The following ZNF469 variants were observed in gnomAD, a reference collection of about 807,000 sequenced individuals.
ZNF469 encodes the protein zinc finger protein 469.
Under a neutral mutation model 1.0 loss-of-function variants are expected in ZNF469, and 1 was observed. That is an observed-to-expected ratio of 1.00 (90% CI 0.35 to 4.73). The LOEUF is 4.73. Ranked by LOEUF, ZNF469 falls within the 30% of genes most tolerant of loss-of-function variation. ZNF469 has a pLI of 0.16. For missense variants in ZNF469, 6,100 were observed against 5,356.3 expected (o/e 1.14, Z -4.33); for synonymous variants, 2,703 against 2,363.4 (o/e 1.14, Z -4.17).
chr16:88,439,510 G>A lies in ZNF469; in HGVS notation c.*178G>A. 1 of 708,116 alleles carries A rather than the reference G, an allele frequency of 1.4e-6. No homozygotes were observed. Among genetic ancestry groups the A allele is most frequent in the Non-Finnish European group, 2.3e-6 (1 of 427,998 alleles). 43.9% of individuals were successfully genotyped at this position (708,116 alleles called of 1,614,324 possible). On this transcript the variant is annotated 3_prime_UTR_variant, in exon 3 of 3. Coordinates refer to ENST00000565624, the MANE Select transcript of ZNF469 (RefSeq NM_001367624.2). ...GCTTTGAACAGGGCCCAGGTGGGCA[G>A]CATTCCCTTTCTTGCTGGAAGGCTG... is the stretch of plus-strand genomic sequence containing the variant.
the ZNF469 span, among the ~76,000 whole-genome samples, chr16:88,360,263 A>G: frequency 6.6e-6 from 1 of 152,116 alleles, no homozygotes; most frequent in Non-Finnish European, 1.5e-5. Flanking sequence ...CAGGTGATCC[A>G]CCCACCTCGG....
chr16:88,165,580 C>A, the ZNF469 span, among the ~76,000 whole-genome samples: 1 of 152,168 alleles, frequency 6.6e-6, no homozygotes, highest in African/African-American at 2.4e-5. Flanking sequence ...CTCTGTGGGC[C>A]AGGGCTTCAG....
At chr16:88,173,929 GAAGA>G in the ZNF469 span, among the ~76,000 whole-genome samples, 4 of 152,102 alleles carry the variant, frequency 2.6e-5, no homozygotes, top group South Asian at 2.1e-4. Flanking sequence ...AAAAAGGAAA[GAAGA>G]AAGAAAGAAC....
At chr16:88,416,792 C>T (rs1290387424) in intron 1 of ZNF469, among the ~76,000 whole-genome samples, 1 of 152,190 alleles carries the variant, frequency 6.6e-6, no homozygotes, top group African/African-American at 2.4e-5. Flanking sequence ...AGGGCTCCCT[C>T]CACGGGACCC....
chr16:88,210,546 G>C, the ZNF469 span, among the ~76,000 whole-genome samples: 2 of 152,192 alleles, frequency 1.3e-5, no homozygotes, highest in African/African-American at 2.4e-5. Flanking sequence ...TCTAGCATTT[G>C]TATGGTTTAA....
chr16:88,432,871 G>A lies in ZNF469; in HGVS notation c.5401G>A (p.Val1801Ile). Reference sequence around the variant, plus strand: ...TCCAGAAGCTTTTGGCAGCCCTGCTGTCCATCTGGCCCCTGACTTGGCATT... The same window carrying A: ...TCCAGAAGCTTTTGGCAGCCCTGCTATCCATCTGGCCCCTGACTTGGCATT... Reference protein sequence around the residue: ...PAPEAFGSPAVHLAPDLAFQG... With the variant: ...PAPEAFGSPAIHLAPDLAFQG... The change falls in exon 3 of 3, where the codon GTC becomes ATC. Residue 1801 changes from valine to isoleucine, a missense_variant. Physicochemically the swap from Val to Ile is conservative, Grantham distance 29. Transcript: ENST00000565624. 5.2e-6 allele frequency: 8 copies of A among 1,550,384 alleles called. No homozygotes were observed. Among genetic ancestry groups the A allele is most frequent in the South Asian group, 2.4e-5 (2 of 84,062 alleles).
chr16:88,135,387 C>T, the ZNF469 span, among the ~76,000 whole-genome samples: 10 of 152,254 alleles, frequency 6.6e-5, no homozygotes, highest in Non-Finnish European at 2.9e-5. Flanking sequence ...CTGGTTGACT[C>T]TGTTGTCAGT....
chr16:88,332,940 T>TGTCAGAGCCACCGAGCTGTGTC, the ZNF469 span, among the ~76,000 whole-genome samples: 4 of 152,134 alleles, frequency 2.6e-5, no homozygotes, highest in Non-Finnish European at 5.9e-5. Flanking sequence ...CCCACCCCCC[T>TGTCAGAGCCACCGAGCTGTGTC]GTCAGAGCCA....
chr16:88,305,321 C>G, the ZNF469 span, among the ~76,000 whole-genome samples: 1 of 124,042 alleles, frequency 8.1e-6, no homozygotes, highest in Non-Finnish European at 1.8e-5. Context: ...CACACACACA[C>G]AGGCACACAC....
At chr16:88,235,488 G>C in the ZNF469 span, among the ~76,000 whole-genome samples, 1 of 152,164 alleles carries the variant, frequency 6.6e-6, no homozygotes, top group Non-Finnish European at 1.5e-5. Context: ...ACCTCTCCAC[G>C]CCAGACCAGG....
the ZNF469 span, among the ~76,000 whole-genome samples, chr16:88,190,773 C>G: frequency 6.6e-6 from 1 of 152,166 alleles, no homozygotes; most frequent in African/African-American, 2.4e-5. Context: ...GTGCTGTGAC[C>G]TTTTGCAGTC....
the ZNF469 span, among the ~76,000 whole-genome samples, chr16:88,261,883 G>T: frequency 3.9e-5 from 6 of 152,240 alleles, no homozygotes; most frequent in East Asian, 1.2e-3. This position sits in a 1 kb window ranked among gnomAD's most constrained non-coding sequence, Gnocchi z 6.0. Flanking sequence ...GGCTTCTGTG[G>T]ATGAGGACTC....
the ZNF469 span, among the ~76,000 whole-genome samples, chr16:88,117,393 AG>A: frequency 2.7e-3 from 410 of 152,216 alleles, 3 homozygotes; most frequent in Non-Finnish European, 4.1e-3. Context: ...TTTTACAAAA[AG>A]AAAAAAATGA....
chr16:88,395,288 T>G (rs1599347160), intron 1 of ZNF469, among the ~76,000 whole-genome samples: 2 of 89,190 alleles, frequency 2.2e-5, no homozygotes, highest in Non-Finnish European at 4.1e-5. Flanking sequence ...GATGGATGGG[T>G]GGATGGATTG....
chr16:88,125,237 A>G, the ZNF469 span, among the ~76,000 whole-genome samples: 1 of 152,196 alleles, frequency 6.6e-6, no homozygotes, highest in Non-Finnish European at 1.5e-5. Flanking sequence ...CTATCTTTAC[A>G]CTGGCATGCT....
the ZNF469 span, among the ~76,000 whole-genome samples, chr16:88,116,885 G>T: frequency 6.6e-6 from 1 of 150,802 alleles, no homozygotes; most frequent in South Asian, 2.1e-4. Flanking sequence ...AATGGTTAGT[G>T]CTTTGGTGGT....
chr16:88,130,905 C>T, the ZNF469 span, among the ~76,000 whole-genome samples: 1 of 152,136 alleles, frequency 6.6e-6, no homozygotes, highest in South Asian at 2.1e-4. Context: ...TGTGAAGTGG[C>T]CGCGGGGTGT....
the ZNF469 span, among the ~76,000 whole-genome samples, chr16:88,162,033 T>C: frequency 6.6e-6 from 1 of 152,196 alleles, no homozygotes; most frequent in African/African-American, 2.4e-5. Context: ...GAGTTTTGCA[T>C]GAAGATTTGT....
At chr16:88,203,919 T>A in the ZNF469 span, among the ~76,000 whole-genome samples, 14 of 152,178 alleles carry the variant, frequency 9.2e-5, no homozygotes, top group Non-Finnish European at 1.9e-4. Context: ...CCATAGCAAG[T>A]GTGGGTTTTG....
Sources: allele counts gnomAD v4.1 joint callset (sites outside exome capture counted in the v4.1 genomes callset), GRCh38; gene constraint gnomAD v4.1.1; non-coding constraint Gnocchi (gnomAD v3.1); transcripts MANE v1.5; gene names NCBI Gene and HGNC (gene_info 2026-07-23, HGNC 2026-07-21).